USP32: variants seen among roughly 807,000 people sequenced by gnomAD.
USP32 encodes ubiquitin carboxyl-terminal hydrolase 32.
A neutral mutation model predicts 204.8 loss-of-function variants in USP32; 59 were observed. The observed-to-expected ratio is 0.29, with a 90% confidence interval of 0.23 to 0.36. The LOEUF (loss-of-function observed/expected upper bound fraction) is 0.36. Ranked by LOEUF, USP32 falls within the 10% of genes least tolerant of loss-of-function variation. USP32 has a pLI of 1.00. For synonymous variants in USP32, 517 were observed against 678.4 expected (o/e 0.76, Z 3.70); for missense variants, 1,160 against 1,946.4 (o/e 0.60, Z 7.60).
At chr17:60,341,790 T>C (rs2088664331) in intron 2 of USP32, among the ~76,000 whole-genome samples, 1 of 152,160 alleles carries the variant, frequency 6.6e-6, no homozygotes, top group Non-Finnish European at 1.5e-5. Flanking sequence ...TTTATTCTAG[T>C]TAGCCATTCG....
At chr17:60,379,941 C>T (rs2089618497) in intron 1 of USP32, among the ~76,000 whole-genome samples, 1 of 152,202 alleles carries the variant, frequency 6.6e-6, no homozygotes, top group Admixed American at 6.5e-5. Flanking sequence ...GGTTACTCTT[C>T]AGCAGCTTTC....
intron 29 of USP32, 134 bp downstream of exon 29, chr17:60,190,429 G>A: frequency 8.2e-7 from 1 of 1,220,530 alleles, no homozygotes; most frequent in East Asian, 2.8e-5. Flanking sequence ...CAATATATTA[G>A]GTGCCATAGA....
At position 60,301,589 on chromosome 17, in the gene USP32, A is replaced by G; in HGVS notation, c.292+10T>C. 7 of 1,519,728 alleles carry G rather than the reference A, an allele frequency of 4.6e-6. No homozygotes were observed. The highest frequency in any genetic ancestry group is 6.2e-6 in the Non-Finnish European group (7 of 1,121,912). 94.1% of individuals were successfully genotyped at this position (1,519,728 alleles called of 1,614,324 possible). On this transcript the variant is annotated intron_variant, in intron 3 of 33. Transcript: ENST00000300896. ...AGACGAATTATTTTTGAGATAATAA[A>G]AGTACTTACATTTTGCTTTCTCTTC...
At chr17:60,204,247 C>T (rs376850378) in intron 26 of USP32, among the ~76,000 whole-genome samples, 16 of 152,238 alleles carry the variant, frequency 1.1e-4, no homozygotes, top group African/African-American at 2.4e-4. Context: ...TCCGCATTTA[C>T]GTGGCAGTGA....
chr17:60,345,430 T>C, intron 2 of USP32, 51 bp downstream of exon 2: 1 of 1,597,888 alleles, frequency 6.3e-7, no homozygotes, highest in Non-Finnish European at 8.5e-7. Context: ...GAATTTAGGC[T>C]GGTGGAGGTG....
At chr17:60,270,308 C>T (rs2086693336) in intron 6 of USP32, among the ~76,000 whole-genome samples, 1 of 152,124 alleles carries the variant, frequency 6.6e-6, no homozygotes, top group African/African-American at 2.4e-5. Context: ...CAAGTACTTC[C>T]GAAGTACTCT....
chr17:60,313,758 G>A (rs2087908998), intron 2 of USP32, among the ~76,000 whole-genome samples: 1 of 152,010 alleles, frequency 6.6e-6, no homozygotes, highest in Admixed American at 6.6e-5. Flanking sequence ...CCATTACAAA[G>A]CTTTAACACA....
At chr17:60,195,818 C>T (rs759625690) in intron 27 of USP32, among the ~76,000 whole-genome samples, 2 of 152,172 alleles carry the variant, frequency 1.3e-5, no homozygotes, top group African/African-American at 2.4e-5. Flanking sequence ...ACATCTGTAT[C>T]TCCAGCAGAG....
At chr17:60,330,349 A>C (rs1205078376) in intron 2 of USP32, among the ~76,000 whole-genome samples, 1 of 151,992 alleles carries the variant, frequency 6.6e-6, no homozygotes, top group African/African-American at 2.4e-5. Context: ...ATTCTACTTT[A>C]TTATCCATAT....
intron 1 of USP32, among the ~76,000 whole-genome samples, chr17:60,407,849 G>C (rs143783648): frequency 1.5e-3 from 222 of 148,042 alleles, no homozygotes; most frequent in African/African-American, 5.1e-3. Context: ...TGTAATTCCA[G>C]CACTTTGGGA....
At chr17:60,390,433 G>A (rs1166999629) in intron 1 of USP32, among the ~76,000 whole-genome samples, 1 of 152,164 alleles carries the variant, frequency 6.6e-6, no homozygotes, top group Non-Finnish European at 1.5e-5. Flanking sequence ...TAGCCTACTA[G>A]GGCTGGAAAC....
chr17:60,314,128 C>CTTTTTT (rs35830572), intron 2 of USP32, among the ~76,000 whole-genome samples: 13 of 52,824 alleles, frequency 2.5e-4, no homozygotes, highest in African/African-American at 3.2e-4. Flanking sequence ...TATTGTGTGG[C>CTTTTTT]TTTTTTTTTT....
intron 1 of USP32, among the ~76,000 whole-genome samples, chr17:60,400,400 G>A (rs1234751680): frequency 6.6e-6 from 1 of 152,180 alleles, no homozygotes; most frequent in Non-Finnish European, 1.5e-5. Flanking sequence ...AGGGTTAGGC[G>A]GTGAGAGGTT....
intron 7 of USP32, among the ~76,000 whole-genome samples, chr17:60,267,192 G>C (rs2086615363): frequency 6.6e-6 from 1 of 152,054 alleles, no homozygotes; most frequent in African/African-American, 2.4e-5. Context: ...CGAATCGCGA[G>C]GTCAGGAGCT....
intron 7 of USP32, 108 bp downstream of exon 7, chr17:60,269,342 C>A: frequency 1.2e-6 from 1 of 809,916 alleles, no homozygotes; most frequent in East Asian, 3.0e-5. Flanking sequence ...GTTAATCTGA[C>A]AAAGTTATAA....
At chr17:60,211,353 G>A (rs1283265368) in intron 20 of USP32, 23 bp downstream of exon 20, 1 of 1,606,222 alleles carries the variant, frequency 6.2e-7, no homozygotes, top group Non-Finnish European at 8.5e-7. Context: ...AGGTTAAGAG[G>A]CCAGTGACTC....
At chr17:60,234,121 T>A (rs1488440174) in intron 12 of USP32, among the ~76,000 whole-genome samples, 1 of 151,560 alleles carries the variant, frequency 6.6e-6, no homozygotes, top group African/African-American at 2.4e-5. Context: ...GACTAATTTT[T>A]TTTTTTTTTT....
At chr17:60,385,270 A>G (rs1356455509) in intron 1 of USP32, among the ~76,000 whole-genome samples, 2 of 152,072 alleles carry the variant, frequency 1.3e-5, no homozygotes, top group Non-Finnish European at 2.9e-5. Flanking sequence ...CCCAAATCCT[A>G]TAAAACAGCC....
intron 12 of USP32, among the ~76,000 whole-genome samples, chr17:60,233,148 T>C (rs544061517): frequency 1.5e-4 from 23 of 152,322 alleles, no homozygotes; most frequent in African/African-American, 5.3e-4. Context: ...TAGCTACCTA[T>C]TTAGTACTTA....
Sources: allele counts gnomAD v4.1 joint callset (sites outside exome capture counted in the v4.1 genomes callset), GRCh38; gene constraint gnomAD v4.1.1; transcripts MANE v1.5; gene names NCBI Gene and HGNC (gene_info 2026-07-23, HGNC 2026-07-21).